RTN1: variants seen among roughly 807,000 people sequenced by gnomAD.
The protein encoded by RTN1 is reticulon 1, also known as reticulon-1.
Under a neutral mutation model 65.5 loss-of-function variants are expected in RTN1, and 25 were observed. That is an observed-to-expected ratio of 0.38 (90% CI 0.28 to 0.53). The LOEUF (loss-of-function observed/expected upper bound fraction) is 0.53. RTN1 is among the 20% of genes least tolerant of loss of function. The pLI is 0.79. For missense variants in RTN1, 983 were observed against 1,025.4 expected (o/e 0.96, Z 0.57); for synonymous variants, 471 against 447.6 (o/e 1.05, Z -0.66).
chr14:59,842,757 C>G (rs1887336756), intron 1 of RTN1, among the ~76,000 whole-genome samples: 1 of 152,180 alleles, frequency 6.6e-6, no homozygotes. Context: ...ATGTAAATTA[C>G]ATCTTGGAAC....
At chr14:59,773,730 T>G (rs939182975) in intron 1 of RTN1, among the ~76,000 whole-genome samples, 1 of 152,114 alleles carries the variant, frequency 6.6e-6, no homozygotes, top group Non-Finnish European at 1.5e-5. Context: ...CTGCCTCTTT[T>G]CAATTATTCA....
intron 1 of RTN1, among the ~76,000 whole-genome samples, chr14:59,807,332 T>G (rs955817366): frequency 6.6e-6 from 1 of 152,184 alleles, no homozygotes; most frequent in Non-Finnish European, 1.5e-5. Flanking sequence ...CTAGAAGACT[T>G]CAGCAAAATG....
intron 3 of RTN1, among the ~76,000 whole-genome samples, chr14:59,631,210 A>G (rs1237968674): frequency 1.3e-5 from 2 of 152,234 alleles, no homozygotes; most frequent in East Asian, 3.9e-4. Flanking sequence ...CTGGAGAGAA[A>G]GCCTACTGCT....
At chr14:59,749,193 T>G (rs1885309850) in intron 1 of RTN1, among the ~76,000 whole-genome samples, 1 of 94,724 alleles carries the variant, frequency 1.1e-5, no homozygotes, top group South Asian at 2.6e-4. Flanking sequence ...TCTATCTATA[T>G]ATATCTATAT....
intron 3 of RTN1, among the ~76,000 whole-genome samples, chr14:59,623,086 G>A (rs1882299490): frequency 6.6e-6 from 1 of 152,178 alleles, no homozygotes. Context: ...GGAAAATGAA[G>A]GATTTCAGTG....
At chr14:59,665,527 C>T (rs891401805) in intron 3 of RTN1, among the ~76,000 whole-genome samples, 3 of 152,168 alleles carry the variant, frequency 2.0e-5, no homozygotes, top group African/African-American at 4.8e-5. Flanking sequence ...GAAGAAACTG[C>T]ATCAATTAAC....
At chr14:59,613,529 A>T (rs566827612) in intron 3 of RTN1, among the ~76,000 whole-genome samples, 2 of 151,982 alleles carry the variant, frequency 1.3e-5, no homozygotes, top group Non-Finnish European at 2.9e-5. Context: ...TGAACTCCTG[A>T]TCCTGTGATC....
intron 1 of RTN1, among the ~76,000 whole-genome samples, chr14:59,772,132 G>A (rs1885970599): frequency 6.6e-6 from 1 of 152,096 alleles, no homozygotes; most frequent in African/African-American, 2.4e-5. Context: ...GAAAAATAAA[G>A]TTTTTAGTTA....
At chr14:59,631,010 A>G (rs1183257219) in intron 3 of RTN1, among the ~76,000 whole-genome samples, 2 of 152,238 alleles carry the variant, frequency 1.3e-5, no homozygotes, top group East Asian at 3.9e-4. Flanking sequence ...CAACGGCATC[A>G]TAAATGTCAG....
intron 1 of RTN1, among the ~76,000 whole-genome samples, chr14:59,764,615 C>T (rs567795872): frequency 6.6e-6 from 1 of 152,234 alleles, no homozygotes; most frequent in East Asian, 1.9e-4. Flanking sequence ...AGCCATCGCG[C>T]CCAGCCGTGA....
chr14:59,743,880 G>T (rs1333022784), intron 2 of RTN1, among the ~76,000 whole-genome samples: 1 of 152,184 alleles, frequency 6.6e-6, no homozygotes, highest in Non-Finnish European at 1.5e-5. Flanking sequence ...TCCCCTGGAG[G>T]CAGGGACTGG....
intron 2 of RTN1, among the ~76,000 whole-genome samples, chr14:59,734,143 T>C (rs1884958060): frequency 6.6e-6 from 1 of 152,072 alleles, no homozygotes; most frequent in African/African-American, 2.4e-5. Context: ...GCAGCAGCCC[T>C]ACAGCAGAGT....
intron 3 of RTN1, among the ~76,000 whole-genome samples, chr14:59,668,336 A>G (rs545831909): frequency 4.0e-4 from 61 of 152,332 alleles, no homozygotes; most frequent in African/African-American, 1.3e-3. Flanking sequence ...AAACCTGACA[A>G]AAACAAGAAA....
rs1300481333 is a variant in RTN1 at position 59,749,432 on chromosome 14, A to C, written c.242-2951T>G. ...TATCTATATATATCTATATATCTAT[A>C]TATATCTATATCTATATATATCTAT... On this transcript the variant is annotated intron_variant, in intron 1 of 8. Coordinates refer to ENST00000267484, the MANE Select transcript of RTN1 (RefSeq NM_021136.3). 4.0e-5 allele frequency among the ~76,000 whole-genome samples: 4 copies of C among 101,206 alleles called. 2 individuals carry two copies. The highest frequency in any genetic ancestry group is 6.9e-5 in the Non-Finnish European group (4 of 57,838). The allele number at this position is 101,206 out of a possible 152,430, so 66.4% of individuals were successfully genotyped here.
chr14:59,824,530 G>A (rs1401644823), intron 1 of RTN1, among the ~76,000 whole-genome samples: 1 of 152,148 alleles, frequency 6.6e-6, no homozygotes, highest in African/African-American at 2.4e-5. Flanking sequence ...GTTACATAGT[G>A]TTTACCCTGC....
chr14:59,693,589 ATAAG>A (rs1291198705), intron 3 of RTN1, among the ~76,000 whole-genome samples: 1 of 152,146 alleles, frequency 6.6e-6, no homozygotes, highest in African/African-American at 2.4e-5. Flanking sequence ...GCTCCCACTT[ATAAG>A]TGAGAATATA....
Position 59,749,486 on chromosome 14 carries a change from T to TATATCTATATATAG in RTN1, c.242-3006_242-3005insCTATATATAGATAT, listed in dbSNP as rs1279641197. On this transcript the variant is annotated intron_variant, in intron 1 of 8. Coordinates refer to ENST00000267484, the MANE Select transcript of RTN1 (RefSeq NM_021136.3). Reference sequence around the variant, plus strand: ...TATCTAATCTATCTATATATCTATATATATCTATATATATCTATATATAGA... The same window carrying TATATCTATATATAG: ...TATCTAATCTATCTATATATCTATATATATCTATATATAGATATCTATATATATCTATATATAGA... 6.8e-5 allele frequency among the ~76,000 whole-genome samples: 5 copies of TATATCTATATATAG among 73,340 alleles called. No homozygotes were observed. The East Asian group carries it at 1.8e-3, about 26-fold the overall frequency. The allele number at this position is 73,340 out of a possible 152,430, so 48.1% of individuals were successfully genotyped here. A position where few individuals can be genotyped will look rare whatever the true frequency, so the allele number is the denominator to read the frequency against.
At chr14:59,706,637 C>G (rs993520446) in intron 3 of RTN1, among the ~76,000 whole-genome samples, 15 of 152,214 alleles carry the variant, frequency 9.9e-5, no homozygotes, top group African/African-American at 2.7e-4. Context: ...TGAGCAAACA[C>G]AGACACATAA....
chr14:59,844,488 C>A (rs1206906911), intron 1 of RTN1, among the ~76,000 whole-genome samples: 2 of 152,100 alleles, frequency 1.3e-5, no homozygotes, highest in Non-Finnish European at 2.9e-5. Flanking sequence ...TTCTAGAGAA[C>A]CTTTATTATT....
Sources: allele counts gnomAD v4.1 joint callset (sites outside exome capture counted in the v4.1 genomes callset), GRCh38; gene constraint gnomAD v4.1.1; transcripts MANE v1.5; gene names NCBI Gene and HGNC (gene_info 2026-07-23, HGNC 2026-07-21).